Variants in AKAP12 observed in about 807,000 individuals in gnomAD.
The protein encoded by AKAP12 is A-kinase anchoring protein 12.
In AKAP12, 32 loss-of-function variants were observed where a neutral mutation model predicts 79.9. That is an observed-to-expected ratio of 0.40 (90% CI 0.30 to 0.54). AKAP12 has a LOEUF of 0.54. Ranked by LOEUF, AKAP12 falls within the 20% of genes least tolerant of loss-of-function variation. The pLI is 0.48. For missense variants in AKAP12, 2,074 were observed against 2,177.0 expected (o/e 0.95, Z 0.94); for synonymous variants, 808 against 857.0 (o/e 0.94, Z 1.00).
chr6:151,301,958 G>A (rs1776870470), intron 2 of AKAP12, among the ~76,000 whole-genome samples: 1 of 151,772 alleles, frequency 6.6e-6, no homozygotes, highest in African/African-American at 2.4e-5. Flanking sequence ...AGTTTTTAAG[G>A]GTCCTTCTTT....
chr6:151,286,790 C>T (rs943003835), intron 2 of AKAP12, among the ~76,000 whole-genome samples: 6 of 152,158 alleles, frequency 3.9e-5, no homozygotes, highest in African/African-American at 1.2e-4. Context: ...TGGTCTGAGT[C>T]AGAGAAGGTT....
chr6:151,315,069 A>G (rs77578527), intron 3 of AKAP12, among the ~76,000 whole-genome samples: 16 of 151,096 alleles, frequency 1.1e-4, no homozygotes, highest in Admixed American at 1.1e-3. Flanking sequence ...AAAAAAAAAA[A>G]GATTTAGGCC....
At chr6:151,309,175 C>T (rs919781607) in intron 3 of AKAP12, among the ~76,000 whole-genome samples, 5 of 152,090 alleles carry the variant, frequency 3.3e-5, no homozygotes, top group East Asian at 1.9e-4. Context: ...GTGCCCGGCT[C>T]GCTCATGATT....
intron 2 of AKAP12, among the ~76,000 whole-genome samples, chr6:151,256,868 C>CA (rs1797309384): frequency 6.6e-6 from 1 of 151,534 alleles, no homozygotes; most frequent in Non-Finnish European, 1.5e-5. Flanking sequence ...AGGCTCGTCT[C>CA]AAACTCCTGA....
intron 2 of AKAP12, among the ~76,000 whole-genome samples, chr6:151,278,743 C>G (rs1228397199): frequency 6.6e-6 from 1 of 152,022 alleles, no homozygotes; most frequent in Non-Finnish European, 1.5e-5. Flanking sequence ...TCTCCGCTCA[C>G]TGCAAGCTCT....
At chr6:151,341,654 C>T in intron 3 of AKAP12, 20 of 1,109,118 alleles carry the variant, frequency 1.8e-5, no homozygotes, top group Non-Finnish European at 2.1e-5. Context: ...CGGCGGGCTG[C>T]GCGCGCCATG....
Position 151,281,771 on chromosome 6 carries a change from G to T in AKAP12, c.163-23976G>T, listed in dbSNP as rs113667241. On this transcript the variant is annotated intron_variant, in intron 2 of 4. Transcript: ENST00000402676. ...GTGCAGTGGTGCTCACTGCAGCCTT[G>T]ACTTCCTGGGCTCAGGAGATCTTCC... Among the ~76,000 whole-genome samples the T allele has an allele frequency of 4.2e-3, 626 of 149,334 alleles. 6 individuals are homozygous for T. Among genetic ancestry groups the T allele is most frequent in the African/African-American group, 0.014 (573 of 40,614 alleles).
At position 151,350,074 on chromosome 6, in the gene AKAP12, A is replaced by C; in HGVS notation, c.1683A>C (p.Gln561His). 6.2e-7 allele frequency: 1 copy of C among 1,614,110 alleles called. No individual in the cohort carries two copies. The highest frequency in any genetic ancestry group is 8.5e-7 in the Non-Finnish European group (1 of 1,180,022). Residue 561 changes from glutamine to histidine, a missense_variant, in exon 4 of 5, where the codon CAA (glutamine) becomes CAC (histidine). Gln to His is a conservative substitution (Grantham distance 24). Transcript: ENST00000402676. The surrounding 1 kb of genome is among the most constrained non-coding windows in gnomAD (Gnocchi z 4.8). Reference protein sequence around the residue: ...PADSPDSQEEQKGESSASSPE... With the variant: ...PADSPDSQEEHKGESSASSPE... ...ATTCTCCGGACAGCCAGGAGGAGCA[A>C]AAGGGCGAGAGCTCTGCCTCATCCC...
At chr6:151,260,370 C>T (rs1797401955) in intron 2 of AKAP12, among the ~76,000 whole-genome samples, 1 of 152,168 alleles carries the variant, frequency 6.6e-6, no homozygotes, top group South Asian at 2.1e-4. Flanking sequence ...AGACTTGGAG[C>T]TCATGGGTAT....
At chr6:151,340,733 C>CT (rs1432603298) in intron 3 of AKAP12, among the ~76,000 whole-genome samples, 1 of 152,138 alleles carries the variant, frequency 6.6e-6, no homozygotes, top group Admixed American at 6.5e-5. Context: ...TCCACCATGC[C>CT]TTGGCCATTG....
At chr6:151,252,007 CAAAT>C (rs946960353) in intron 2 of AKAP12, among the ~76,000 whole-genome samples, 1 of 151,766 alleles carries the variant, frequency 6.6e-6, no homozygotes, top group African/African-American at 2.4e-5. Context: ...CCTCAATAAA[CAAAT>C]AAATAAATAA....
chr6:151,272,189 C>G (rs1426662574), intron 2 of AKAP12, among the ~76,000 whole-genome samples: 1 of 151,712 alleles, frequency 6.6e-6, no homozygotes, highest in Non-Finnish European at 1.5e-5. Flanking sequence ...AAATAAAATA[C>G]AAGAAATTAG....
chr6:151,342,809 C>CTGGA (rs1248702025), intron 3 of AKAP12, among the ~76,000 whole-genome samples: 6 of 152,226 alleles, frequency 3.9e-5, no homozygotes, highest in Admixed American at 3.9e-4. Context: ...GTCGCCCAGG[C>CTGGA]TGGAGTGCAG....
At chr6:151,320,509 C>T (rs1777353136) in intron 3 of AKAP12, among the ~76,000 whole-genome samples, 2 of 152,118 alleles carry the variant, frequency 1.3e-5, no homozygotes, top group Admixed American at 6.6e-5. Context: ...CTTTCTCCCT[C>T]ATTGCCCCTA....
intron 3 of AKAP12, among the ~76,000 whole-genome samples, chr6:151,314,208 G>A (rs1056602664): frequency 1.3e-5 from 2 of 151,912 alleles, no homozygotes; most frequent in Non-Finnish European, 2.9e-5. Flanking sequence ...TTGTATTTTA[G>A]TAGAGATGGG....
At chr6:151,304,852 A>G (rs961830136) in intron 2 of AKAP12, among the ~76,000 whole-genome samples, 3 of 152,098 alleles carry the variant, frequency 2.0e-5, no homozygotes, top group Non-Finnish European at 2.9e-5. Flanking sequence ...GATTACAAAC[A>G]TGAGCCACCA....
At chr6:151,343,492 C>A (rs1259637704) in intron 3 of AKAP12, among the ~76,000 whole-genome samples, 2 of 152,092 alleles carry the variant, frequency 1.3e-5, no homozygotes, top group Non-Finnish European at 2.9e-5. Flanking sequence ...GCAAAAAGTT[C>A]TTTTGTGACC....
chr6:151,346,625 G>A (rs1778109736), intron 3 of AKAP12, among the ~76,000 whole-genome samples: 1 of 152,176 alleles, frequency 6.6e-6, no homozygotes, highest in East Asian at 1.9e-4. Flanking sequence ...CATTATTGAG[G>A]ATGTTAAATG....
chr6:151,315,062 A>AG (rs1416225995), intron 3 of AKAP12, among the ~76,000 whole-genome samples: 1 of 151,726 alleles, frequency 6.6e-6, no homozygotes, highest in African/African-American at 2.4e-5. Context: ...AAGAAAAAAA[A>AG]AAAAAAAGAT....
Sources: gnomAD v4.1 joint callset for allele counts (sites outside exome capture counted in the v4.1 genomes callset) on GRCh38, gnomAD v4.1.1 for gene constraint, Gnocchi (gnomAD v3.1) non-coding constraint, MANE v1.5 for transcripts, NCBI Gene and HGNC (gene_info 2026-07-23, HGNC 2026-07-21) for gene names.